The following VASH2 variants were observed in gnomAD, a reference collection of about 807,000 sequenced individuals.
The protein encoded by VASH2 is tubulinyl-Tyr carboxypeptidase 2.
A neutral mutation model predicts 37.2 loss-of-function variants in VASH2; 28 were observed. That is an observed-to-expected ratio of 0.75 (90% CI 0.56 to 1.03). VASH2 has a LOEUF of 1.03. Ranked by LOEUF, VASH2 falls within the 50% of genes least tolerant of loss-of-function variation. VASH2 has a pLI of 0.00. For synonymous variants in VASH2, 188 were observed against 174.7 expected, an observed-to-expected ratio of 1.08 and a Z score of -0.60; for missense variants, 419 against 459.1, an observed-to-expected ratio of 0.91 and a Z score of 0.80.
In VASH2 at chr1:212,955,848, C is replaced by A. The variant is rs185639536; in HGVS notation, c.276+4030C>A. 3.3e-5 allele frequency among the ~76,000 whole-genome samples: 5 copies of A among 152,372 alleles called. No homozygotes were observed. The East Asian group carries it at 7.7e-4, about 23-fold the overall frequency. ...GCAGGCATCTCCTTTCCTCCCCCAT[C>A]CTGGATTGAGAACCTTCCGTCTGTC... On this transcript the variant is annotated intron_variant, in intron 2 of 7. Coordinates refer to ENST00000517399, the MANE Select transcript of VASH2 (RefSeq NM_001301056.2).
At chr1:212,964,797 C>T (rs752209225) in intron 3 of VASH2, among the ~76,000 whole-genome samples, 1 of 152,172 alleles carries the variant, frequency 6.6e-6, no homozygotes, top group Non-Finnish European at 1.5e-5. Flanking sequence ...TCCACCCTTC[C>T]AATCCATCCA....
At chr1:212,966,137 G>A in intron 4 of VASH2, 134 bp from the exon 5 acceptor site, 2 of 749,534 alleles carry the variant, frequency 2.7e-6, no homozygotes, top group Non-Finnish European at 4.5e-6. Flanking sequence ...CTTCCTGCAA[G>A]GTGACTTCTC....
At chr1:212,974,248 C>T (rs1311653831) in intron 7 of VASH2, among the ~76,000 whole-genome samples, 178 bp downstream of exon 7, 1 of 152,126 alleles carries the variant, frequency 6.6e-6, no homozygotes, top group Non-Finnish European at 1.5e-5. Context: ...GGGCACATCA[C>T]CCCATTGCCA....
At chr1:212,975,255 C>T (rs1038093533) in intron 7 of VASH2, among the ~76,000 whole-genome samples, 1 of 152,158 alleles carries the variant, frequency 6.6e-6, no homozygotes, top group Non-Finnish European at 1.5e-5. Flanking sequence ...TTTTCATTTC[C>T]AAGGAAGGTT....
At chr1:212,961,110 G>C (rs1666660822) in intron 2 of VASH2, 56 bp from the exon 3 acceptor site, 2 of 1,567,112 alleles carry the variant, frequency 1.3e-6, no homozygotes, top group Non-Finnish European at 8.8e-7. Flanking sequence ...GCCCCCAGAA[G>C]CTGGGCCCCA....
intron 5 of VASH2, among the ~76,000 whole-genome samples, chr1:212,972,206 G>A (rs1356384202): frequency 6.6e-6 from 1 of 152,198 alleles, no homozygotes; most frequent in Non-Finnish European, 1.5e-5. Flanking sequence ...AGGTCAGGGA[G>A]GCAAGACACC....
chr1:212,959,319 C>A (rs893852776), intron 2 of VASH2, among the ~76,000 whole-genome samples: 1 of 151,996 alleles, frequency 6.6e-6, no homozygotes, highest in Non-Finnish European at 1.5e-5. Flanking sequence ...ATATTCAATG[C>A]CTTGCCCCCT....
chr1:212,972,620 A>G lies in VASH2; in HGVS notation c.538A>G (p.Ile180Val). The change falls in exon 6 of 8, where the codon ATC becomes GTC. Residue 180 changes from isoleucine (I) to valine (V), a missense_variant. Ile to Val is a conservative substitution (Grantham distance 29). Around this residue, in one of 3 missense-constraint regions of VASH2, gnomAD observed 84 missense variants for 129.9 expected, o/e 0.65. Transcript: ENST00000517399. ...NGQPSIERFP[I>V]SFKTYFSGNY... is the part of the protein sequence containing the mutation. ...GCAGCCTTCCATTGAGCGGTTCCCC[A>G]TCAGCTTTAAAACCTACTTCTCAGG... 1.2e-6 allele frequency: 2 copies of G among 1,614,164 alleles called. No individual in the cohort carries two copies. The highest frequency in any genetic ancestry group is 1.1e-5 in the South Asian group (1 of 91,078).
chr1:212,979,580 C>T (rs1264335393), intron 7 of VASH2, among the ~76,000 whole-genome samples: 2 of 152,158 alleles, frequency 1.3e-5, no homozygotes, highest in Non-Finnish European at 2.9e-5. Context: ...GAGCGACTTC[C>T]AGCCTTGAAT....
Position 212,973,951 on chromosome 1 carries a change from T to C in VASH2, c.880-4T>C. The C allele has an allele frequency of 6.2e-7, 1 of 1,613,064 alleles. No homozygotes were observed. Among genetic ancestry groups the C allele is most frequent in the East Asian group, 2.2e-5 (1 of 44,846 alleles). On this transcript the variant is annotated splice_region_variant and splice_polypyrimidine_tract_variant and intron_variant, in intron 6 of 7. Transcript: ENST00000517399. The stretch of plus-strand genomic sequence containing the variant: ...GGGTGATTAACTCCTCACATCTCCT[T>C]CAGATCCTGAAACCTGCAAGTGCCC...
chr1:212,976,522 G>A lies in VASH2; in HGVS notation c.995+2452G>A, dbSNP rs180941551. Among the ~76,000 whole-genome samples, 21 of 151,536 alleles carry A rather than the reference G, an allele frequency of 1.4e-4. No individual in the cohort carries two copies. The East Asian group carries it at 2.1e-3, about 15-fold the overall frequency. The stretch of plus-strand genomic sequence containing the variant: ...CACTTGAGCCTGGCGTTTCAAGCCC[G>A]GATAGCACCATTGCTCTCCAGTCTG... On this transcript the variant is annotated intron_variant, in intron 7 of 7. Transcript: ENST00000517399.
At chr1:212,960,350 G>A (rs1666636506) in intron 2 of VASH2, among the ~76,000 whole-genome samples, 1 of 152,188 alleles carries the variant, frequency 6.6e-6, no homozygotes, top group African/African-American at 2.4e-5. Flanking sequence ...GCTGCTGTGA[G>A]GGGTAAAGTG....
Position 212,951,645 on chromosome 1 carries a change from AGCG to A in VASH2, c.105_107del (p.Ser35_Gly36delinsArg). On this transcript the variant is annotated inframe_deletion, in exon 2 of 8. Coordinates refer to ENST00000517399, the MANE Select transcript of VASH2 (RefSeq NM_001301056.2). This position sits in a 1 kb window ranked among gnomAD's most constrained non-coding sequence, Gnocchi z 4.4. ...CGCGCGGCCCGTGAGCCTCGCCACC[AGCG>A]GGGGCTCAGAGGAGGAGGACAAAGA... 6.3e-7 allele frequency: 1 copy of A among 1,583,892 alleles called. No homozygotes were observed. The highest frequency in any genetic ancestry group is 8.6e-7 in the Non-Finnish European group (1 of 1,165,810).
At chr1:212,981,539 A>G (rs995181597) in intron 7 of VASH2, among the ~76,000 whole-genome samples, 6 of 152,150 alleles carry the variant, frequency 3.9e-5, no homozygotes, top group Non-Finnish European at 8.8e-5. Flanking sequence ...AAACTTGTAA[A>G]TGCTGGGCCA....
rs538574654 is a variant in VASH2 at position 212,965,859 on chromosome 1, C to T, written c.422+81C>T. 8.3e-4 allele frequency: 1,131 copies of T among 1,369,322 alleles called. 3 individuals carry two copies. The highest frequency in any genetic ancestry group is 1.4e-3 in the South Asian group (110 of 79,644). 84.8% of individuals were successfully genotyped at this position (1,369,322 alleles called of 1,614,324 possible). A position where few individuals can be genotyped will look rare whatever the true frequency, so the allele number is the denominator to read the frequency against. On this transcript the variant is annotated intron_variant, in intron 4 of 7. Coordinates refer to ENST00000517399, the MANE Select transcript of VASH2 (RefSeq NM_001301056.2). ...AGCTTCCTCTCCCAACCTCTATTCC[C>T]GTAGCCCATGGCTCAGGTATCCTAG...
intron 7 of VASH2, among the ~76,000 whole-genome samples, chr1:212,978,472 C>T (rs778158495): frequency 2.6e-5 from 4 of 152,228 alleles, no homozygotes; most frequent in African/African-American, 7.2e-5. Flanking sequence ...CCTCCCTCCA[C>T]GCCCCAAAGT....
intron 5 of VASH2, chr1:212,969,101 T>A (rs1666929818): frequency 1.0e-6 from 1 of 985,300 alleles, no homozygotes; most frequent in African/African-American, 1.7e-5. Flanking sequence ...TTCAGAAAAG[T>A]GCAGGAAGGT....
At position 212,966,285 on chromosome 1, in the gene VASH2, C is replaced by T; in HGVS notation, c.437C>T (p.Ala146Val). Residue 146 changes from alanine to valine, a missense_variant, in exon 5 of 8, where the codon GCA becomes GTA. Ala to Val is a moderately conservative substitution (Grantham distance 64). Around this residue, in one of 3 missense-constraint regions of VASH2, gnomAD observed 84 missense variants for 129.9 expected, o/e 0.65. Coordinates refer to ENST00000517399, the MANE Select transcript of VASH2 (RefSeq NM_001301056.2). ...CTATCCTACAGGTTAATGGAAACAG[C>T]AAAAGAAATGACCCGAGAGTCCTTG... ...MRPLSGLMET[A>V]KEMTRESLPI... The T allele has an allele frequency of 6.4e-6, 10 of 1,551,642 alleles. No individual in the cohort carries two copies. The South Asian group carries it at 1.2e-4, about 18-fold the overall frequency.
intron 7 of VASH2, among the ~76,000 whole-genome samples, chr1:212,980,297 C>T (rs151173875): frequency 8.5e-5 from 13 of 152,336 alleles, no homozygotes; most frequent in Non-Finnish European, 1.3e-4. Context: ...AGAGTGACCA[C>T]GTGAAACATT....
Sources: gnomAD v4.1 joint callset for allele counts (sites outside exome capture counted in the v4.1 genomes callset) on GRCh38, gnomAD v4.1.1 for gene constraint, gnomAD v4.1.1 regional missense constraint, Gnocchi (gnomAD v3.1) non-coding constraint, MANE v1.5 for transcripts, NCBI Gene and HGNC (gene_info 2026-07-23, HGNC 2026-07-21) for gene names.